The following TADA2B variants were observed in gnomAD, a reference collection of about 807,000 sequenced individuals.
TADA2B encodes transcriptional adapter 2-beta.
A neutral mutation model predicts 34.5 loss-of-function variants in TADA2B; 13 were observed. That is an observed-to-expected ratio of 0.38 (90% CI 0.25 to 0.60). The LOEUF is 0.60. TADA2B is among the 20% of genes least tolerant of loss of function. TADA2B has a pLI of 0.65. For synonymous variants in TADA2B, 240 were observed against 243.4 expected, an observed-to-expected ratio of 0.99 and a Z score of 0.13; for missense variants, 442 against 575.0, an observed-to-expected ratio of 0.77 and a Z score of 2.37.
rs779480252 is a variant in TADA2B, at chr4:7,054,432, A to G, written c.641A>G (p.Lys214Arg). 1.2e-6 allele frequency: 2 copies of G among 1,613,740 alleles called. No homozygotes were observed. Among genetic ancestry groups the G allele is most frequent in the South Asian group, 1.1e-5 (1 of 91,088 alleles). The change falls in exon 2 of 2, where the codon AAA becomes AGA. Residue 214 changes from lysine (K) to arginine (R), a missense_variant. By Grantham distance (26) the Lys-to-Arg change is conservative (BLOSUM62 2). Around this residue, in one of 4 missense-constraint regions of TADA2B, gnomAD observed 222 missense variants for 235.2 expected, o/e 0.94. Transcript: ENST00000310074. ...GTGGACATGTACGTGCGGAAGCTGAAAGAGAGACAGCGGCGGAAGAACATC... is the reference window on the plus strand; with the variant it reads ...GTGGACATGTACGTGCGGAAGCTGAGAGAGAGACAGCGGCGGAAGAACATC... Reference protein sequence around the residue: ...AHVDMYVRKLKERQRRKNIAR... With the variant: ...AHVDMYVRKLRERQRRKNIAR...
chr4:7,049,143 A>G (rs1054315585), intron 1 of TADA2B, among the ~76,000 whole-genome samples: 8 of 152,200 alleles, frequency 5.3e-5, no homozygotes, highest in Middle Eastern at 3.4e-3. Context: ...CAGTGGCACA[A>G]TCATGGCTCA....
chr4:7,043,778 G>T lies in TADA2B; in HGVS notation c.199G>T (p.Glu67Ter). 6.4e-7 allele frequency: 1 copy of T among 1,571,356 alleles called. No homozygotes were observed. The highest frequency in any genetic ancestry group is 1.4e-5 in the African/African-American group (1 of 73,272). The change falls in exon 1 of 2, where the codon GAG (glutamate) becomes TAG (stop). Residue 67 changes from glutamate to a stop codon, truncating the protein, a stop_gained. Transcript: ENST00000310074. LOFTEE classifies it high-confidence loss of function. ...GRFTLWGPEAEGGWTSREEQL... is the reference protein window; with the variant it reads ...GRFTLWGPEA ...CTTCACGCTCTGGGGGCCCGAGGCC[G>T]AGGGCGGCTGGACCAGTCGCGAGGA...
At position 7,056,665 on chromosome 4, in the gene TADA2B, A is replaced by C. The variant is rs1043504080; in HGVS notation, c.*1611A>C. On this transcript the variant is annotated 3_prime_UTR_variant, in exon 2 of 2. Coordinates refer to ENST00000310074, the MANE Select transcript of TADA2B (RefSeq NM_152293.3). ...GTATATGGCTTTAGTTGTAAACTAT[A>C]CTGCATGCTGACAGAGAAGCGCTCT... The C allele has an allele frequency of 6.6e-6, 1 of 152,236 alleles. No individual in the cohort carries two copies. Among genetic ancestry groups the C allele is most frequent in the Non-Finnish European group, 1.5e-5 (1 of 68,046 alleles). The allele number at this position is 152,236 out of a possible 1,614,324, so 9.4% of individuals were successfully genotyped here.
chr4:7,043,590 T>C lies in TADA2B; in HGVS notation c.11T>C (p.Leu4Pro). 7.7e-7 allele frequency: 1 copy of C among 1,293,138 alleles called. No homozygotes were observed. Among genetic ancestry groups the C allele is most frequent in the Non-Finnish European group, 9.9e-7 (1 of 1,006,756 alleles). The allele number at this position is 1,293,138 out of a possible 1,614,324, so 80.1% of individuals were successfully genotyped here. The part of the protein sequence containing the change: MAE[L>P]GKKYCVYCLA... ...GGCGAGCGGGGGAAGATGGCGGAGC[T>C]GGGGAAGAAGTACTGCGTGTACTGC... Residue 4 changes from leucine (L) to proline (P), a missense_variant, in exon 1 of 2, where the codon CTG becomes CCG. Physicochemically the swap from Leu to Pro is moderately conservative, Grantham distance 98. Transcript: ENST00000310074.
chr4:7,056,060 T>C lies in TADA2B; in HGVS notation c.*1006T>C, dbSNP rs1000404803. ...GAAAATATGAGCATGCCCGCCTGGC[T>C]AGTAGGCATCTGTAAGAGTGTCGCC... On this transcript the variant is annotated 3_prime_UTR_variant, in exon 2 of 2. Coordinates refer to ENST00000310074, the MANE Select transcript of TADA2B (RefSeq NM_152293.3). 3.9e-5 allele frequency: 6 copies of C among 152,540 alleles called. No individual in the cohort carries two copies. Among genetic ancestry groups the C allele is most frequent in the Admixed American group, 2.0e-4 (3 of 15,280 alleles). 9.4% of individuals were successfully genotyped at this position (152,540 alleles called of 1,614,324 possible).
chr4:7,053,662 T>G (rs1318984589), intron 1 of TADA2B: 1 of 175,496 alleles, frequency 5.7e-6, no homozygotes, highest in African/African-American at 2.4e-5. Flanking sequence ...TGCTGTCTCC[T>G]GGGACATTCA....
intron 1 of TADA2B, among the ~76,000 whole-genome samples, chr4:7,046,885 G>A (rs192434067): frequency 1.8e-3 from 270 of 152,322 alleles, no homozygotes; most frequent in Non-Finnish European, 3.3e-3. Context: ...TTTTGTACCA[G>A]GGCTGGGGGA....
chr4:7,049,712 G>A (rs531836001), intron 1 of TADA2B, among the ~76,000 whole-genome samples: 1 of 152,346 alleles, frequency 6.6e-6, no homozygotes, highest in Admixed American at 6.5e-5. Flanking sequence ...GAGGGAAGGG[G>A]AAGATACAGG....
Position 7,043,491 on chromosome 4 carries a change from C to CGGCGGCGGGTCCCGCG in TADA2B, c.-79_-64dup, listed in dbSNP as rs1723538444. The CGGCGGCGGGTCCCGCG allele has an allele frequency of 6.1e-6, 5 of 824,602 alleles. No individual in the cohort carries two copies. The highest frequency in any genetic ancestry group is 3.9e-5 in the African/African-American group (2 of 50,986). The allele number at this position is 824,602 out of a possible 1,614,324, so 51.1% of individuals were successfully genotyped here. A position where few individuals can be genotyped will look rare whatever the true frequency, so the allele number is the denominator to read the frequency against. ...GGCGGCGGTTGCTCGTGCGCGGCGGCGGCGGCGGGTCCCGCGGGCGGCGGG... is the reference window on the plus strand; with the variant it reads ...GGCGGCGGTTGCTCGTGCGCGGCGGCGGCGGCGGGTCCCGCGGGCGGCGGGTCCCGCGGGCGGCGGG... On this transcript the variant is annotated 5_prime_UTR_variant, in exon 1 of 2. Transcript: ENST00000310074.
At chr4:7,044,374 G>T (rs1050920191) in intron 1 of TADA2B, among the ~76,000 whole-genome samples, 9 of 152,184 alleles carry the variant, frequency 5.9e-5, no homozygotes, top group African/African-American at 2.2e-4. Context: ...TAGCGTGCCT[G>T]GTTTATGCTT....
intron 1 of TADA2B, among the ~76,000 whole-genome samples, chr4:7,049,854 C>A (rs566476754): frequency 6.6e-6 from 1 of 152,380 alleles, no homozygotes; most frequent in East Asian, 1.9e-4. Context: ...CATCCCACGC[C>A]TACCTTTGCC....
In TADA2B at chr4:7,043,953, G is replaced by A. The variant is rs868762508; in HGVS notation, c.270+104G>A. On this transcript the variant is annotated intron_variant, in intron 1 of 1. Coordinates refer to ENST00000310074, the MANE Select transcript of TADA2B (RefSeq NM_152293.3). Reference sequence around the variant, plus strand: ...AGCGCTGGACCTGCTCGCTCGCTCCGCACCCCAGAAGGCCCCGGAGGTGGG... The same window carrying A: ...AGCGCTGGACCTGCTCGCTCGCTCCACACCCCAGAAGGCCCCGGAGGTGGG... The A allele has an allele frequency of 5.3e-6, 7 of 1,328,782 alleles. No homozygotes were observed. In the South Asian group the frequency reaches 1.1e-4, roughly 21 times the overall value. The allele number at this position is 1,328,782 out of a possible 1,614,324, so 82.3% of individuals were successfully genotyped here.
Position 7,054,592 on chromosome 4 carries a change from A to G in TADA2B, c.801A>G (p.Ser267=). ...LKLRPLYQFM[S]CKEFDDLFEN... ...TGAGGCCGCTGTACCAGTTCATGTC[A>G]TGCAAGGAGTTTGATGACCTTTTTG... Residue 267 remains serine (S), a synonymous_variant, in exon 2 of 2, where the codon TCA becomes TCG. Coordinates refer to ENST00000310074, the MANE Select transcript of TADA2B (RefSeq NM_152293.3). 6.2e-7 allele frequency: 1 copy of G among 1,613,988 alleles called. No individual in the cohort carries two copies.
At chr4:7,049,330 C>T (rs1432451112) in intron 1 of TADA2B, among the ~76,000 whole-genome samples, 2 of 152,240 alleles carry the variant, frequency 1.3e-5, no homozygotes, top group Admixed American at 1.3e-4. Flanking sequence ...CCTCCCGCCT[C>T]AGCCCCCGAA....
rs1723914016 is a variant in TADA2B at position 7,057,310 on chromosome 4, A to AAC, written c.*2257_*2258insCA. On this transcript the variant is annotated 3_prime_UTR_variant, in exon 2 of 2. Transcript: ENST00000310074. The stretch of plus-strand genomic sequence containing the variant: ...TTTTAAAACACCATAATGAATGTAT[A>AAC]ATTAATTTATGTTAAAGTATTAACC... 1 of 152,198 alleles carries AAC rather than the reference A, an allele frequency of 6.6e-6. No individual in the cohort carries two copies. Among genetic ancestry groups the AAC allele is most frequent in the Non-Finnish European group, 1.5e-5 (1 of 68,032 alleles). 9.4% of individuals were successfully genotyped at this position (152,198 alleles called of 1,614,324 possible).
chr4:7,057,247 C>T lies in TADA2B; in HGVS notation c.*2193C>T, dbSNP rs1261261948. On this transcript the variant is annotated 3_prime_UTR_variant, in exon 2 of 2. Coordinates refer to ENST00000310074, the MANE Select transcript of TADA2B (RefSeq NM_152293.3). ...TGAAGCAGGTTTTTAGTATGTATAT[C>T]TTTTTGATGGTATGAAGAATTTATT... 1 of 152,166 alleles carries T rather than the reference C, an allele frequency of 6.6e-6. No individual in the cohort carries two copies. Among genetic ancestry groups the T allele is most frequent in the Non-Finnish European group, 1.5e-5 (1 of 68,044 alleles). The allele number at this position is 152,166 out of a possible 1,614,324, so 9.4% of individuals were successfully genotyped here. A position where few individuals can be genotyped will look rare whatever the true frequency, so the allele number is the denominator to read the frequency against.
chr4:7,049,115 A>G (rs1282998734), intron 1 of TADA2B, among the ~76,000 whole-genome samples: 5 of 151,854 alleles, frequency 3.3e-5, no homozygotes, highest in South Asian at 4.2e-4. Flanking sequence ...GTTTCGCTCT[A>G]TCGCCCAGGC....
At chr4:7,053,966 C>A in intron 1 of TADA2B, 96 bp from the exon 2 acceptor site, 1 of 1,392,948 alleles carries the variant, frequency 7.2e-7, no homozygotes, top group Non-Finnish European at 9.6e-7. Context: ...AGGAAGTACT[C>A]TAGGTCAGCC....
chr4:7,048,020 A>G lies in TADA2B; in HGVS notation c.270+4171A>G, dbSNP rs147113291. Among the ~76,000 whole-genome samples, 66 of 152,286 alleles carry G rather than the reference A, an allele frequency of 4.3e-4. 1 individual carries two copies. The highest frequency in any genetic ancestry group is 3.4e-3 in the Middle Eastern group (1 of 294). On this transcript the variant is annotated intron_variant, in intron 1 of 1. Transcript: ENST00000310074. ...ATGTGGGAACGTGGAATTTCAACCC[A>G]AGGCTTCTGACTCCATGCCTAGAAC...
Sources: allele counts gnomAD v4.1 joint callset (sites outside exome capture counted in the v4.1 genomes callset), GRCh38; gene constraint gnomAD v4.1.1; regional missense constraint gnomAD v4.1.1; transcripts MANE v1.5; gene names NCBI Gene and HGNC (gene_info 2026-07-23, HGNC 2026-07-21).